Variants in CAMTA1 observed in about 807,000 individuals in gnomAD.
The protein encoded by CAMTA1 is calmodulin-binding transcription activator 1.
A neutral mutation model predicts 170.9 loss-of-function variants in CAMTA1; 27 were observed. The ratio of observed to expected loss-of-function variants is 0.16; its 90% CI spans 0.12 to 0.22. The LOEUF (loss-of-function observed/expected upper bound fraction) is 0.22. CAMTA1 is among the 10% of genes least tolerant of loss of function. The pLI is 1.00. For synonymous variants in CAMTA1, 833 were observed against 891.5 expected (o/e 0.93, Z 1.17); for missense variants, 1,619 against 2,217.2 (o/e 0.73, Z 5.42).
chr1:6,987,255 C>G (rs1350301136), intron 3 of CAMTA1, among the ~76,000 whole-genome samples: 1 of 152,060 alleles, frequency 6.6e-6, no homozygotes, highest in Non-Finnish European at 1.5e-5. Flanking sequence ...CTCTGCCTCC[C>G]AGGTTCAAGC....
intron 2 of CAMTA1, among the ~76,000 whole-genome samples, chr1:6,824,038 C>CT (rs1448919717): frequency 4.6e-5 from 7 of 152,148 alleles, no homozygotes; most frequent in Non-Finnish European, 7.4e-5. Context: ...ATCTTGGACT[C>CT]TTGACTCTGA....
At chr1:7,164,720 C>G (rs978852971) in intron 4 of CAMTA1, among the ~76,000 whole-genome samples, 1 of 152,166 alleles carries the variant, frequency 6.6e-6, no homozygotes, top group Non-Finnish European at 1.5e-5. Context: ...GTTTTTGCAG[C>G]GTTTCAGCCA....
Position 7,095,564 on chromosome 1 carries a change from A to G in CAMTA1, c.302+4193A>G, listed in dbSNP as rs1164439488. On this transcript the variant is annotated intron_variant, in intron 4 of 22. Coordinates refer to ENST00000303635, the MANE Select transcript of CAMTA1 (RefSeq NM_015215.4). Reference sequence around the variant, plus strand: ...CCAGTATGATCTCACTGCAAAGCCCATACCCTTTGCTTTTGTGCCTGTGAA... The same window carrying G: ...CCAGTATGATCTCACTGCAAAGCCCGTACCCTTTGCTTTTGTGCCTGTGAA... Among the ~76,000 whole-genome samples, 3 of 152,228 alleles carry G rather than the reference A, an allele frequency of 2.0e-5. No homozygotes were observed. The South Asian group carries it at 6.2e-4, about 32-fold the overall frequency.
intron 3 of CAMTA1, among the ~76,000 whole-genome samples, chr1:6,850,331 G>T (rs576428114): frequency 2.0e-5 from 3 of 152,292 alleles, no homozygotes; most frequent in South Asian, 2.1e-4. Flanking sequence ...ACAGGCAGAG[G>T]TTTAATATCC....
chr1:6,821,456 C>G (rs1028263289), intron 2 of CAMTA1, among the ~76,000 whole-genome samples: 9 of 152,092 alleles, frequency 5.9e-5, no homozygotes, highest in African/African-American at 2.2e-4. Context: ...ATAATTAGAG[C>G]TAAACAGAAA....
At chr1:7,200,171 G>A (rs1348142662) in intron 4 of CAMTA1, among the ~76,000 whole-genome samples, 1 of 152,170 alleles carries the variant, frequency 6.6e-6, no homozygotes, top group African/African-American at 2.4e-5. Flanking sequence ...GTATGTGGGT[G>A]TGTGTATATA....
rs965320531 is a variant in CAMTA1 at position 7,588,916 on chromosome 1, G to C, written c.511-51484G>C. Among the ~76,000 whole-genome samples, 9 of 152,162 alleles carry C rather than the reference G, an allele frequency of 5.9e-5. No individual in the cohort carries two copies. Among genetic ancestry groups the C allele is most frequent in the African/African-American group, 2.2e-4 (9 of 41,440 alleles). ...TCAGGTGCTTATTATTTTCTGCCAC[G>C]ATCAGGGAAGACTGATCGTGCTTGG... On this transcript the variant is annotated intron_variant, in intron 6 of 22. Coordinates refer to ENST00000303635, the MANE Select transcript of CAMTA1 (RefSeq NM_015215.4). This position sits in a 1 kb window ranked among gnomAD's most constrained non-coding sequence, Gnocchi z 5.8.
At chr1:7,496,485 G>C (rs2093829544) in intron 6 of CAMTA1, among the ~76,000 whole-genome samples, 1 of 152,190 alleles carries the variant, frequency 6.6e-6, no homozygotes, top group Admixed American at 6.5e-5. Flanking sequence ...GCGTGCCCAG[G>C]TCCTCCTGCA....
At chr1:7,175,324 T>C (rs1650569561) in intron 4 of CAMTA1, among the ~76,000 whole-genome samples, 1 of 152,196 alleles carries the variant, frequency 6.6e-6, no homozygotes, top group Non-Finnish European at 1.5e-5. Context: ...ATAAAGATAT[T>C]TTTCCATCCA....
intron 5 of CAMTA1, among the ~76,000 whole-genome samples, chr1:7,405,624 G>C (rs1229934721): frequency 6.6e-6 from 1 of 152,070 alleles, no homozygotes; most frequent in Admixed American, 6.6e-5. Context: ...TGCCCACCTT[G>C]GCCTCCCACA....
intron 11 of CAMTA1, among the ~76,000 whole-genome samples, chr1:7,725,203 A>G (rs1395278454): frequency 1.3e-5 from 2 of 152,234 alleles, no homozygotes; most frequent in Non-Finnish European, 1.5e-5. Context: ...GAACTACTGC[A>G]TGAAGGTGAA....
intron 5 of CAMTA1, among the ~76,000 whole-genome samples, chr1:7,380,243 G>T (rs891969115): frequency 2.0e-5 from 3 of 152,142 alleles, no homozygotes; most frequent in Non-Finnish European, 4.4e-5. Flanking sequence ...CTGTCCATTT[G>T]CCCGGCACGT....
rs1251354507 is a variant in CAMTA1, at chr1:7,738,610, A to G, written c.4182+128A>G. On this transcript the variant is annotated intron_variant, in intron 16 of 22. Transcript: ENST00000303635. The surrounding 1 kb of genome is among the most constrained non-coding windows in gnomAD (Gnocchi z 4.9). ...AGCCTTCGAAGTTGGCTTTGTGCAG[A>G]ACATCGTTGGAGTATCTTCTTTCCT... The G allele has an allele frequency of 1.0e-6, 1 of 1,000,780 alleles. No individual in the cohort carries two copies. The allele number at this position is 1,000,780 out of a possible 1,614,324, so 62.0% of individuals were successfully genotyped here. A position where few individuals can be genotyped will look rare whatever the true frequency, so the allele number is the denominator to read the frequency against.
chr1:7,432,755 C>T (rs1324171963), intron 5 of CAMTA1, among the ~76,000 whole-genome samples: 1 of 152,224 alleles, frequency 6.6e-6, no homozygotes, highest in Non-Finnish European at 1.5e-5. Flanking sequence ...TTGCCGTCCC[C>T]CTTGTGGCCC....
At chr1:7,473,404 G>A (rs999437271) in intron 6 of CAMTA1, among the ~76,000 whole-genome samples, 34 of 152,186 alleles carry the variant, frequency 2.2e-4, no homozygotes, top group African/African-American at 8.0e-4. Flanking sequence ...GCCCAGGCTC[G>A]GGGCTCCCCC....
chr1:6,947,401 G>A (rs938373675), intron 3 of CAMTA1, among the ~76,000 whole-genome samples: 8 of 150,832 alleles, frequency 5.3e-5, no homozygotes, highest in Non-Finnish European at 1.0e-4. Flanking sequence ...GTTTGAGACA[G>A]TCTCACTCTG....
intron 3 of CAMTA1, among the ~76,000 whole-genome samples, chr1:6,930,606 C>T (rs1268378348): frequency 6.6e-6 from 1 of 152,136 alleles, no homozygotes; most frequent in Non-Finnish European, 1.5e-5. Context: ...TCTCTGTACC[C>T]CTGTGCAGGT....
Position 6,970,702 on chromosome 1 carries a change from G to C in CAMTA1, c.235-120602G>C, listed in dbSNP as rs1692368263. The stretch of plus-strand genomic sequence containing the variant: ...AGGGGGCTACTAGAGCACCTGTTCA[G>C]GACGTATCATCCAGTCCTGGTGGGT... On this transcript the variant is annotated intron_variant, in intron 3 of 22. Coordinates refer to ENST00000303635, the MANE Select transcript of CAMTA1 (RefSeq NM_015215.4). The surrounding 1 kb of genome is among the most constrained non-coding windows in gnomAD (Gnocchi z 4.4). 6.6e-6 allele frequency among the ~76,000 whole-genome samples: 1 copy of C among 152,204 alleles called. No individual in the cohort carries two copies. The highest frequency in any genetic ancestry group is 6.5e-5 in the Admixed American group (1 of 15,282).
intron 3 of CAMTA1, among the ~76,000 whole-genome samples, chr1:6,972,223 A>G (rs560734740): frequency 1.5e-4 from 23 of 152,298 alleles, no homozygotes; most frequent in African/African-American, 5.1e-4. Context: ...GCTTTATGAC[A>G]TCTAAGATTG....
Sources: allele counts gnomAD v4.1 joint callset (sites outside exome capture counted in the v4.1 genomes callset), GRCh38; gene constraint gnomAD v4.1.1; non-coding constraint Gnocchi (gnomAD v3.1); transcripts MANE v1.5; gene names NCBI Gene and HGNC (gene_info 2026-07-23, HGNC 2026-07-21).